Variants in CSNK1G1 observed in about 807,000 individuals in gnomAD.
CSNK1G1 encodes the protein casein kinase 1 gamma 1.
In CSNK1G1, 22 loss-of-function variants were observed where a neutral mutation model predicts 59.6. The ratio of observed to expected loss-of-function variants is 0.37; its 90% CI spans 0.26 to 0.53. The LOEUF (loss-of-function observed/expected upper bound fraction) is 0.53. Among genes scored for constraint, CSNK1G1 ranks in the 20% least tolerant of loss-of-function variants. The pLI is 0.89. For missense variants in CSNK1G1, 384 were observed against 519.5 expected (o/e 0.74, Z 2.54); for synonymous variants, 179 against 177.1 (o/e 1.01, Z -0.08).
At chr15:64,295,032 C>A (rs1302103570) in intron 2 of CSNK1G1, among the ~76,000 whole-genome samples, 1 of 151,904 alleles carries the variant, frequency 6.6e-6, no homozygotes, top group Admixed American at 6.6e-5. Flanking sequence ...GAGATCAAGA[C>A]CATCCTGGCT....
chr15:64,283,487 A>G (rs935466906), intron 2 of CSNK1G1, among the ~76,000 whole-genome samples: 1 of 152,086 alleles, frequency 6.6e-6, no homozygotes, highest in African/African-American at 2.4e-5. Flanking sequence ...GGATTACAGA[A>G]GCGCACCAAC....
chr15:64,252,193 G>A (rs1446338220), intron 3 of CSNK1G1, among the ~76,000 whole-genome samples: 1 of 151,430 alleles, frequency 6.6e-6, no homozygotes, highest in Non-Finnish European at 1.5e-5. Flanking sequence ...GTTCATTAAT[G>A]TGCTATTGAA....
rs1374519081 is a variant in CSNK1G1 at position 64,188,181 on chromosome 15, T to G, written c.1108-7727A>C. 6.6e-6 allele frequency among the ~76,000 whole-genome samples: 1 copy of G among 152,198 alleles called. No homozygotes were observed. Among genetic ancestry groups the G allele is most frequent in the East Asian group, 1.9e-4 (1 of 5,200 alleles). ...CAGAAATCATATAGATGTTTCTTAGTCAATGACAACAGGAAGTAATCATTT... is the reference window on the plus strand; with the variant it reads ...CAGAAATCATATAGATGTTTCTTAGGCAATGACAACAGGAAGTAATCATTT... On this transcript the variant is annotated intron_variant, in intron 10 of 11. Coordinates refer to ENST00000303052, the MANE Select transcript of CSNK1G1 (RefSeq NM_022048.5). This position sits in a 1 kb window ranked among gnomAD's most constrained non-coding sequence, Gnocchi z 4.2.
Position 64,168,501 on chromosome 15 carries a change from AAT to A in CSNK1G1, c.*3428_*3429del, listed in dbSNP as rs1425775579. ...TGTGCCTCAAATCTGTTTAGGATGCAATGTCTGAGGGACTGTAGAGCTTGGGA... is the reference window on the plus strand; with the variant it reads ...TGTGCCTCAAATCTGTTTAGGATGCAGTCTGAGGGACTGTAGAGCTTGGGA... On this transcript the variant is annotated 3_prime_UTR_variant, in exon 12 of 12. Coordinates refer to ENST00000303052, the MANE Select transcript of CSNK1G1 (RefSeq NM_022048.5). 6.6e-6 allele frequency: 1 copy of A among 152,248 alleles called. No individual in the cohort carries two copies. The highest frequency in any genetic ancestry group is 1.5e-5 in the Non-Finnish European group (1 of 68,062). 9.4% of individuals were successfully genotyped at this position (152,248 alleles called of 1,614,324 possible).
chr15:64,336,545 C>A (rs931265921), intron 1 of CSNK1G1, among the ~76,000 whole-genome samples: 2 of 152,058 alleles, frequency 1.3e-5, no homozygotes, highest in Non-Finnish European at 2.9e-5. Flanking sequence ...TCACTTTGAG[C>A]CCAGGAGTTC....
chr15:64,230,435 C>T (rs2082531292), intron 4 of CSNK1G1, among the ~76,000 whole-genome samples: 2 of 151,902 alleles, frequency 1.3e-5, no homozygotes. Context: ...GTGGCTGGGA[C>T]TTACAGACGT....
At chr15:64,247,225 C>T (rs74245427) in intron 4 of CSNK1G1, among the ~76,000 whole-genome samples, 6,521 of 152,204 alleles carry the variant, frequency 0.043, 156 homozygotes, top group South Asian at 0.079. Flanking sequence ...TAAGGAAATA[C>T]TGAAACCTAA....
chr15:64,279,234 G>C (rs912533058), intron 2 of CSNK1G1, among the ~76,000 whole-genome samples: 1 of 152,142 alleles, frequency 6.6e-6, no homozygotes, highest in Non-Finnish European at 1.5e-5. Flanking sequence ...TTTGGAAAGA[G>C]AACATTTTCA....
intron 4 of CSNK1G1, among the ~76,000 whole-genome samples, chr15:64,251,263 T>C (rs1892065914): frequency 6.6e-6 from 1 of 152,160 alleles, no homozygotes. Context: ...CTATGAGTAT[T>C]TGACAAGTGG....
intron 2 of CSNK1G1, among the ~76,000 whole-genome samples, chr15:64,288,608 A>ATG (rs1005297149): frequency 2.0e-5 from 3 of 151,516 alleles, no homozygotes; most frequent in African/African-American, 7.3e-5. Context: ...ATATATATAT[A>ATG]TTTCCTCTTG....
intron 1 of CSNK1G1, among the ~76,000 whole-genome samples, chr15:64,319,417 C>T (rs946928320): frequency 3.3e-5 from 5 of 151,724 alleles, no homozygotes; most frequent in African/African-American, 4.8e-5. Flanking sequence ...AGGAAATATA[C>T]CTTTTTTTTT....
At chr15:64,334,442 C>G (rs1259012577) in intron 1 of CSNK1G1, among the ~76,000 whole-genome samples, 1 of 152,144 alleles carries the variant, frequency 6.6e-6, no homozygotes, top group Non-Finnish European at 1.5e-5. Flanking sequence ...TTCAAGCACA[C>G]TACATTTATT....
At chr15:64,279,885 T>C (rs1271768663) in intron 2 of CSNK1G1, among the ~76,000 whole-genome samples, 1 of 148,674 alleles carries the variant, frequency 6.7e-6, no homozygotes, top group Admixed American at 6.8e-5. Context: ...GGCAGGAGAA[T>C]CCCTTGAACC....
At chr15:64,259,522 A>ATG (rs1555398767) in intron 2 of CSNK1G1, among the ~76,000 whole-genome samples, 1 of 150,076 alleles carries the variant, frequency 6.7e-6, no homozygotes. Context: ...ACACACACAC[A>ATG]CATGCATGCA....
At chr15:64,275,006 G>A (rs1020277713) in intron 2 of CSNK1G1, among the ~76,000 whole-genome samples, 2 of 152,186 alleles carry the variant, frequency 1.3e-5, no homozygotes, top group African/African-American at 2.4e-5. Flanking sequence ...TTAGGGCAAA[G>A]AGGACAGGTT....
chr15:64,325,077 G>A (rs1378078876), intron 1 of CSNK1G1, among the ~76,000 whole-genome samples: 1 of 152,120 alleles, frequency 6.6e-6, no homozygotes, highest in Non-Finnish European at 1.5e-5. Context: ...GATTAATACA[G>A]GATTTAATAA....
rs917908381 is a variant in CSNK1G1 at position 64,166,268 on chromosome 15, A to G, written c.*5663T>C. 2.6e-6 allele frequency: 1 copy of G among 378,138 alleles called. No homozygotes were observed. The highest frequency in any genetic ancestry group is 2.1e-5 in the African/African-American group (1 of 48,060). 23.4% of individuals were successfully genotyped at this position (378,138 alleles called of 1,614,324 possible). A position where few individuals can be genotyped will look rare whatever the true frequency, so the allele number is the denominator to read the frequency against. On this transcript the variant is annotated 3_prime_UTR_variant, in exon 12 of 12. Transcript: ENST00000303052. This position sits in a 1 kb window ranked among gnomAD's most constrained non-coding sequence, Gnocchi z 4.5. ...CAGATAAATAATAATATAATAAATT[A>G]GAGCATGTAATACATCCTATGGGAA...
chr15:64,194,919 A>G (rs2082020578), intron 10 of CSNK1G1: 2 of 152,198 alleles, frequency 1.3e-5, no homozygotes, highest in Admixed American at 1.3e-4. Flanking sequence ...TTCAGACCTC[A>G]CATGATTTGA....
At chr15:64,244,780 T>C (rs1313491895) in intron 4 of CSNK1G1, among the ~76,000 whole-genome samples, 1 of 151,872 alleles carries the variant, frequency 6.6e-6, no homozygotes, top group Non-Finnish European at 1.5e-5. Context: ...ATCACATCAC[T>C]GCACTACAGC....
Sources: gnomAD v4.1 joint callset for allele counts (sites outside exome capture counted in the v4.1 genomes callset) on GRCh38, gnomAD v4.1.1 for gene constraint, Gnocchi (gnomAD v3.1) non-coding constraint, MANE v1.5 for transcripts, NCBI Gene and HGNC (gene_info 2026-07-23, HGNC 2026-07-21) for gene names.